The following LINGO2 variants were observed in gnomAD, a reference collection of about 807,000 sequenced individuals.
The protein encoded by LINGO2 is leucine-rich repeat and immunoglobulin-like domain-containing nogo receptor-interacting protein 2.
LINGO2 carries 14 observed loss-of-function variants against 30.6 expected under a neutral mutation model. That is an observed-to-expected ratio of 0.46 (90% confidence interval 0.30 to 0.72). LINGO2 has a LOEUF of 0.72. Ranked by LOEUF, LINGO2 falls within the 30% of genes least tolerant of loss-of-function variation. LINGO2 has a pLI of 0.07. For synonymous variants in LINGO2, 317 were observed against 288.5 expected, an observed-to-expected ratio of 1.10 and a Z score of -1.00; for missense variants, 729 against 751.7, an observed-to-expected ratio of 0.97 and a Z score of 0.35.
the LINGO2 span, among the ~76,000 whole-genome samples, chr9:28,736,146 G>T: frequency 6.6e-6 from 1 of 152,256 alleles, no homozygotes; most frequent in African/African-American, 2.4e-5. Context: ...GGTTCTGTCA[G>T]GACATGCCCA....
At chr9:28,206,631 A>G (rs923364682) in intron 4 of LINGO2, among the ~76,000 whole-genome samples, 2 of 152,204 alleles carry the variant, frequency 1.3e-5, no homozygotes, top group Non-Finnish European at 2.9e-5. Context: ...TTATGTACTT[A>G]ATAGGTATAT....
chr9:29,084,673 G>C, the LINGO2 span, among the ~76,000 whole-genome samples: 3 of 151,840 alleles, frequency 2.0e-5, no homozygotes, highest in African/African-American at 7.2e-5. Flanking sequence ...ATCTCTCTTA[G>C]AAAGCCCTTC....
the LINGO2 span, among the ~76,000 whole-genome samples, chr9:29,030,777 C>CT: frequency 6.6e-6 from 1 of 152,246 alleles, no homozygotes; most frequent in East Asian, 1.9e-4. Flanking sequence ...TAGGGAAATA[C>CT]TTTGAGACTG....
chr9:28,972,066 C>G, the LINGO2 span, among the ~76,000 whole-genome samples: 1 of 152,240 alleles, frequency 6.6e-6, no homozygotes, highest in Non-Finnish European at 1.5e-5. Context: ...CTTTATGAGT[C>G]TGCAAGAACC....
the LINGO2 span, among the ~76,000 whole-genome samples, chr9:29,052,435 C>T: frequency 6.6e-6 from 1 of 152,048 alleles, no homozygotes; most frequent in African/African-American, 2.4e-5. Context: ...TAAGCATCTC[C>T]AAGGGCAGGA....
chr9:29,110,550 T>A, the LINGO2 span, among the ~76,000 whole-genome samples: 2 of 151,782 alleles, frequency 1.3e-5, no homozygotes, highest in Non-Finnish European at 1.5e-5. Context: ...GCCAGGATGA[T>A]CTTGATCTCC....
intron 4 of LINGO2, among the ~76,000 whole-genome samples, chr9:28,029,648 C>T (rs938143876): frequency 2.0e-5 from 3 of 151,964 alleles, no homozygotes; most frequent in South Asian, 2.1e-4. Context: ...ATAACTGATA[C>T]GTTTAAGAAT....
chr9:28,797,693 T>A, the LINGO2 span, among the ~76,000 whole-genome samples: 1 of 152,102 alleles, frequency 6.6e-6, no homozygotes, highest in Non-Finnish European at 1.5e-5. Context: ...GATATTTAAA[T>A]AAATTCTTGA....
intron 4 of LINGO2, among the ~76,000 whole-genome samples, chr9:28,183,769 T>C (rs1587161145): frequency 6.6e-6 from 1 of 152,170 alleles, no homozygotes; most frequent in South Asian, 2.1e-4. Context: ...AAGACATCTG[T>C]AGGCATGAGC....
At chr9:28,126,845 A>C (rs1445832039) in intron 4 of LINGO2, among the ~76,000 whole-genome samples, 1 of 152,244 alleles carries the variant, frequency 6.6e-6, no homozygotes, top group Non-Finnish European at 1.5e-5. Flanking sequence ...GCAGAAGGAT[A>C]TTATTCTCCT....
At chr9:28,432,473 G>GA (rs977501036) in intron 2 of LINGO2, among the ~76,000 whole-genome samples, 3 of 151,928 alleles carry the variant, frequency 2.0e-5, no homozygotes, top group Admixed American at 1.3e-4. Context: ...ACTGATGATG[G>GA]AAAAAATCAA....
At chr9:29,028,614 T>G in the LINGO2 span, among the ~76,000 whole-genome samples, 1 of 152,164 alleles carries the variant, frequency 6.6e-6, no homozygotes, top group African/African-American at 2.4e-5. Flanking sequence ...GCCAATAAAA[T>G]GTGGTAGAAA....
At chr9:29,132,366 A>G in the LINGO2 span, among the ~76,000 whole-genome samples, 1 of 152,124 alleles carries the variant, frequency 6.6e-6, no homozygotes, top group African/African-American at 2.4e-5. Flanking sequence ...TAGCAGATGA[A>G]AAATGGAAAG....
chr9:28,847,735 T>A, the LINGO2 span, among the ~76,000 whole-genome samples: 3 of 114,246 alleles, frequency 2.6e-5, no homozygotes, highest in Non-Finnish European at 3.7e-5. Context: ...AGTGTCTGTG[T>A]ATATATATAT....
intron 4 of LINGO2, among the ~76,000 whole-genome samples, chr9:28,195,334 G>A (rs1436132861): frequency 1.4e-5 from 2 of 144,040 alleles, no homozygotes; most frequent in Non-Finnish European, 3.1e-5. Flanking sequence ...ACTATGTTAT[G>A]GAACTCATTA....
At chr9:28,795,045 G>A in the LINGO2 span, among the ~76,000 whole-genome samples, 4 of 151,948 alleles carry the variant, frequency 2.6e-5, no homozygotes, top group Non-Finnish European at 5.9e-5. Flanking sequence ...TGGCCAGGCT[G>A]GTCTGGATCT....
In LINGO2 at chr9:28,649,525, A is replaced by AATAC. The variant is rs915769810; in HGVS notation, c.-365+20671_-365+20674dup. Among the ~76,000 whole-genome samples, 117 of 152,234 alleles carry AATAC rather than the reference A, an allele frequency of 7.7e-4. 1 individual carries two copies. Among genetic ancestry groups the AATAC allele is most frequent in the African/African-American group, 2.5e-3 (105 of 41,548 alleles). On this transcript the variant is annotated intron_variant, in intron 1 of 5. Coordinates refer to ENST00000379992, the Ensembl canonical transcript of LINGO2. ...TTATGCTGCCTCCTAACAATAAATA[A>AATAC]ATACATACATACATACATAGGTCCA... is the stretch of plus-strand genomic sequence containing the variant.
chr9:28,516,626 TA>T (rs1419698516), intron 1 of LINGO2, among the ~76,000 whole-genome samples: 1 of 152,174 alleles, frequency 6.6e-6, no homozygotes, highest in Non-Finnish European at 1.5e-5. Flanking sequence ...AATGAAATTT[TA>T]AAAAAATTTA....
At chr9:28,021,276 A>C (rs1415749112) in intron 4 of LINGO2, among the ~76,000 whole-genome samples, 1 of 152,084 alleles carries the variant, frequency 6.6e-6, no homozygotes, top group Non-Finnish European at 1.5e-5. Context: ...TGTTATGTAC[A>C]AGTGTCTTTT....
Sources: gnomAD v4.1 joint callset for allele counts (sites outside exome capture counted in the v4.1 genomes callset) on GRCh38, gnomAD v4.1.1 for gene constraint, MANE v1.5 for transcripts, NCBI Gene and HGNC (gene_info 2026-07-23, HGNC 2026-07-21) for gene names.